SPPL3: variants seen among roughly 807,000 people sequenced by gnomAD.
SPPL3 encodes signal peptide peptidase like 3, also known as signal peptide peptidase-like 3.
SPPL3 carries 5 observed loss-of-function variants against 42.4 expected under a neutral mutation model. That is an observed-to-expected ratio of 0.12 (90% CI 0.06 to 0.25). The LOEUF (loss-of-function observed/expected upper bound fraction) is 0.25, where lower values mean the gene tolerates loss of function less well. SPPL3 is among the 10% of genes least tolerant of loss of function. The pLI is 1.00. For synonymous variants in SPPL3, 195 were observed against 181.8 expected (o/e 1.07, Z -0.58); for missense variants, 235 against 489.0 (o/e 0.48, Z 4.90).
intron 1 of SPPL3, among the ~76,000 whole-genome samples, chr12:120,852,739 A>ATC (rs1411277536): frequency 1.2e-4 from 3 of 24,200 alleles, no homozygotes; most frequent in Admixed American, 8.7e-4. Flanking sequence ...ATATACATAT[A>ATC]ATATATTTCA....
chr12:120,850,808 C>T (rs532502487), intron 1 of SPPL3, among the ~76,000 whole-genome samples: 1 of 152,252 alleles, frequency 6.6e-6, no homozygotes, highest in South Asian at 2.1e-4. Context: ...TCTAGAGGAC[C>T]ACCTGCATTC....
chr12:120,765,130 G>C (rs1015365641), intron 10 of SPPL3, 60 bp from the exon 11 acceptor site: 3 of 1,528,348 alleles, frequency 2.0e-6, no homozygotes, highest in Non-Finnish European at 2.7e-6. Flanking sequence ...ACAGCTGTCT[G>C]ATTCTTTAAA....
intron 2 of SPPL3, among the ~76,000 whole-genome samples, chr12:120,805,510 C>CTTT (rs1944944448): frequency 6.6e-6 from 1 of 152,044 alleles, no homozygotes; most frequent in Non-Finnish European, 1.5e-5. Flanking sequence ...CGACACTGTA[C>CTTT]AATAAGGGAG....
At chr12:120,767,641 T>A (rs758468433) in intron 8 of SPPL3, 48 bp from the exon 9 acceptor site, 5 of 1,587,394 alleles carry the variant, frequency 3.1e-6, no homozygotes, top group South Asian at 1.1e-5. Context: ...TACAATCCAG[T>A]TTCTATTCCT....
chr12:120,783,702 A>C lies in SPPL3; in HGVS notation c.361T>G (p.Leu121Val). The C allele has an allele frequency of 5.6e-6, 9 of 1,613,794 alleles. No homozygotes were observed. The highest frequency in any genetic ancestry group is 7.6e-6 in the Non-Finnish European group (9 of 1,179,812). Residue 121 changes from leucine (L) to valine (V), a missense_variant, in exon 5 of 11, where the codon TTA becomes GTA. Physicochemically the swap from Leu to Val is conservative, Grantham distance 32. Coordinates refer to ENST00000353487, the MANE Select transcript of SPPL3 (RefSeq NM_139015.5). ...TTCTGAGGTGAGCAGGGTCTTGTTA[A>C]ATACTGGCACATCGGGAGGAGAAGA... ...AFLLLPMCQYLTRPCSPQNKI... is the reference protein window; with the variant it reads ...AFLLLPMCQYVTRPCSPQNKI...
At chr12:120,812,457 T>C (rs907256215) in intron 1 of SPPL3, among the ~76,000 whole-genome samples, 3 of 152,136 alleles carry the variant, frequency 2.0e-5, no homozygotes, top group African/African-American at 7.2e-5. Flanking sequence ...AAGCTAAGGT[T>C]TGAATGTACT....
intron 2 of SPPL3, among the ~76,000 whole-genome samples, chr12:120,796,515 T>A (rs1870102817): frequency 6.6e-6 from 1 of 152,248 alleles, no homozygotes; most frequent in African/African-American, 2.4e-5. Flanking sequence ...ATTATTTTCC[T>A]CATCCTGGGT....
At chr12:120,794,017 G>C (rs1391224897) in intron 2 of SPPL3, among the ~76,000 whole-genome samples, 3 of 152,146 alleles carry the variant, frequency 2.0e-5, no homozygotes, top group Non-Finnish European at 4.4e-5. Flanking sequence ...AGCTATATTT[G>C]TGAATTTATT....
intron 2 of SPPL3, among the ~76,000 whole-genome samples, chr12:120,800,154 T>C (rs917503218): frequency 1.1e-4 from 16 of 152,228 alleles, no homozygotes; most frequent in Non-Finnish European, 1.5e-4. Flanking sequence ...TATAACGTTA[T>C]AAATATACAT....
At chr12:120,769,381 C>G in intron 6 of SPPL3, 2 of 228,276 alleles carry the variant, frequency 8.8e-6, no homozygotes, top group Non-Finnish European at 1.8e-5. Flanking sequence ...TCCTTGCTCC[C>G]TGCTTTAAAG....
In SPPL3 at chr12:120,871,130, C is replaced by CAAAAAAAAAAAA. The variant is rs71453512; in HGVS notation, c.23+32703_23+32714dup. Among the ~76,000 whole-genome samples the CAAAAAAAAAAAA allele has an allele frequency of 3.6e-3, 186 of 51,666 alleles. 28 individuals are homozygous for CAAAAAAAAAAAA. In the East Asian group the frequency reaches 0.041, roughly 11 times the overall value. The allele number at this position is 51,666 out of a possible 152,430, so 33.9% of individuals were successfully genotyped here. A position where few individuals can be genotyped will look rare whatever the true frequency, so the allele number is the denominator to read the frequency against. On this transcript the variant is annotated intron_variant, in intron 1 of 10. Transcript: ENST00000353487. The stretch of plus-strand genomic sequence containing the variant: ...GGGCGACAGAGTGAGACTCCGTCTC[C>CAAAAAAAAAAAA]AAAAAAAAAAAAAAAAAAAGAAAAA...
chr12:120,786,667 CCA>C (rs1472139464), intron 3 of SPPL3, among the ~76,000 whole-genome samples: 1 of 151,382 alleles, frequency 6.6e-6, no homozygotes, highest in African/African-American at 2.4e-5. Context: ...TTTTTTTAAA[CCA>C]CAGATTTTTG....
intron 6 of SPPL3, among the ~76,000 whole-genome samples, chr12:120,770,681 G>A (rs708784): frequency 0.098 from 14,890 of 152,146 alleles, 1,570 homozygotes; most frequent in African/African-American, 0.27. Flanking sequence ...AGGCTTCTCT[G>A]TAGCTCCTCC....
intron 1 of SPPL3, chr12:120,845,414 G>T: frequency 2.6e-6 from 1 of 390,424 alleles, no homozygotes. Flanking sequence ...TCTGGAAGTA[G>T]TGGCACCACA....
intron 1 of SPPL3, among the ~76,000 whole-genome samples, chr12:120,860,418 T>A (rs1300011867): frequency 6.6e-6 from 1 of 152,168 alleles, no homozygotes; most frequent in African/African-American, 2.4e-5. Context: ...GTTGTATAAA[T>A]ATAAAAGTTG....
At chr12:120,812,192 T>C (rs571092873) in intron 1 of SPPL3, among the ~76,000 whole-genome samples, 1 of 151,946 alleles carries the variant, frequency 6.6e-6, no homozygotes, top group Admixed American at 6.6e-5. Flanking sequence ...TGGAGTGCAG[T>C]GGCATGATCT....
At chr12:120,858,404 C>A (rs2137040062) in intron 1 of SPPL3, among the ~76,000 whole-genome samples, 2 of 149,744 alleles carry the variant, frequency 1.3e-5, no homozygotes, top group Middle Eastern at 3.4e-3. Context: ...TGCAGTGAGC[C>A]AAGATCGCAA....
At chr12:120,844,497 T>C (rs1041102010) in intron 1 of SPPL3, among the ~76,000 whole-genome samples, 5 of 152,230 alleles carry the variant, frequency 3.3e-5, no homozygotes, top group Non-Finnish European at 5.9e-5. Context: ...CTATCTGATC[T>C]CAATCTTACC....
intron 1 of SPPL3, among the ~76,000 whole-genome samples, chr12:120,814,958 T>C (rs1013709001): frequency 2.6e-5 from 4 of 152,202 alleles, no homozygotes; most frequent in South Asian, 2.1e-4. Context: ...TGATAGTCCA[T>C]TGTGTAGATG....
Sources: allele counts gnomAD v4.1 joint callset (sites outside exome capture counted in the v4.1 genomes callset), GRCh38; gene constraint gnomAD v4.1.1; transcripts MANE v1.5; gene names NCBI Gene and HGNC (gene_info 2026-07-23, HGNC 2026-07-21).